TMEM50B: variants seen among roughly 807,000 people sequenced by gnomAD.
TMEM50B encodes transmembrane protein 50B, also known as HCV p7-trans-regulated protein 3.
In TMEM50B, 14 loss-of-function variants were observed where a neutral mutation model predicts 23.4. That is an observed-to-expected ratio of 0.60 (90% CI 0.39 to 0.93). The LOEUF (loss-of-function observed/expected upper bound fraction) is 0.93, where lower values mean the gene tolerates loss of function less well. TMEM50B is among the 40% of genes least tolerant of loss of function. The probability of loss-of-function intolerance (pLI) is 0.00; values close to 1 mark genes in which losing one functional copy is unlikely to be tolerated. For missense variants in TMEM50B, 159 were observed against 193.0 expected (o/e 0.82, Z 1.04); for synonymous variants, 64 against 62.3 (o/e 1.03, Z -0.13).
intron 6 of TMEM50B, among the ~76,000 whole-genome samples, chr21:33,454,493 G>A (rs1309260525): frequency 2.0e-5 from 3 of 151,922 alleles, no homozygotes; most frequent in Admixed American, 6.6e-5. Flanking sequence ...TAGAGATGGG[G>A]TTTCACCATG....
In TMEM50B at chr21:33,470,132, G is replaced by A. The variant is rs139740033; in HGVS notation, c.-41-1206C>T. Among the ~76,000 whole-genome samples the A allele has an allele frequency of 2.0e-5, 3 of 152,020 alleles. No homozygotes were observed. The East Asian group carries it at 5.8e-4, about 29-fold the overall frequency. On this transcript the variant is annotated intron_variant, in intron 1 of 6. Coordinates refer to ENST00000542230, the MANE Select transcript of TMEM50B (RefSeq NM_006134.7). ...AAAAAAAATTGAAAGCACTGGACAGGGCTGAAAAACAGGCAGAAATTGAAA... is the reference window on the plus strand; with the variant it reads ...AAAAAAAATTGAAAGCACTGGACAGAGCTGAAAAACAGGCAGAAATTGAAA...
chr21:33,451,615 G>C (rs1250039866), intron 6 of TMEM50B, among the ~76,000 whole-genome samples: 1 of 152,114 alleles, frequency 6.6e-6, no homozygotes, highest in Non-Finnish European at 1.5e-5. Context: ...CGGGAGCAGA[G>C]AGATGGGACA....
chr21:33,458,841 A>C (rs2084192559), intron 5 of TMEM50B, among the ~76,000 whole-genome samples: 1 of 152,230 alleles, frequency 6.6e-6, no homozygotes, highest in Admixed American at 6.5e-5. Context: ...TTAACTAAAA[A>C]ACACATTTTA....
chr21:33,442,732 C>T (rs1395471583), intron 7 of TMEM50B, among the ~76,000 whole-genome samples: 9 of 152,058 alleles, frequency 5.9e-5, no homozygotes, highest in Admixed American at 5.9e-4. Flanking sequence ...ACCAGCCTGG[C>T]CAACATGGAG....
At chr21:33,461,341 T>G (rs1378181156) in intron 4 of TMEM50B, among the ~76,000 whole-genome samples, 1 of 152,210 alleles carries the variant, frequency 6.6e-6, no homozygotes, top group East Asian at 1.9e-4. Flanking sequence ...TCATAATGGT[T>G]AGAACAGCTG....
chr21:33,467,784 G>A (rs1331025982), intron 2 of TMEM50B, among the ~76,000 whole-genome samples: 1 of 152,170 alleles, frequency 6.6e-6, no homozygotes, highest in African/African-American at 2.4e-5. Context: ...GTTAGTTCTT[G>A]CTCTGCTTCA....
intron 1 of TMEM50B, among the ~76,000 whole-genome samples, chr21:33,478,196 G>T (rs2084391864): frequency 6.6e-6 from 1 of 151,760 alleles, no homozygotes; most frequent in South Asian, 2.1e-4. Context: ...GGCCAGGCGC[G>T]GTGCCCACAC....
chr21:33,447,868 A>G (rs1273686337), downstream of TMEM50B, among the ~76,000 whole-genome samples: 2 of 152,240 alleles, frequency 1.3e-5, no homozygotes, highest in South Asian at 4.1e-4. Flanking sequence ...TGACCACTGA[A>G]TCTATGTGAC....
At chr21:33,446,326 T>G (rs1031656285), downstream of TMEM50B, among the ~76,000 whole-genome samples, 1 of 151,218 alleles carries the variant, frequency 6.6e-6, no homozygotes, top group African/African-American at 2.4e-5. Flanking sequence ...AGCCTCTGCC[T>G]CCTGGGCTCA....
chr21:33,465,360 C>T lies in TMEM50B; in HGVS notation c.262G>A (p.Gly88Ser), dbSNP rs1170962263. ...TCTTTACCTGTTCTTCCTAAACAGC[C>T]GCTTTCATAGCTATCACCTCTCACC... The part of the protein sequence containing the change: ...AQVRGDSYES[G>S]CLGRTGARVW... Residue 88 changes from glycine to serine, a missense_variant, in exon 4 of 7, where the codon GGC (glycine) becomes AGC (serine). Coordinates refer to ENST00000542230, the MANE Select transcript of TMEM50B (RefSeq NM_006134.7). The T allele has an allele frequency of 5.6e-6, 9 of 1,613,068 alleles. No homozygotes were observed. Among genetic ancestry groups the T allele is most frequent in the African/African-American group, 2.7e-5 (2 of 74,864 alleles).
chr21:33,471,957 G>A (rs531493650), intron 1 of TMEM50B, among the ~76,000 whole-genome samples: 3 of 149,640 alleles, frequency 2.0e-5, no homozygotes, highest in African/African-American at 4.9e-5. Flanking sequence ...GCGAGAACCC[G>A]GGAGGTAGAG....
intron 4 of TMEM50B, among the ~76,000 whole-genome samples, chr21:33,462,679 G>C (rs1268267866): frequency 6.6e-6 from 1 of 152,032 alleles, no homozygotes; most frequent in Non-Finnish European, 1.5e-5. Context: ...CTCAAAAAAA[G>C]ATAATAGTAA....
At chr21:33,447,681 T>TACACACACACAC (rs764155101), downstream of TMEM50B, among the ~76,000 whole-genome samples, 366 of 132,072 alleles carry the variant, frequency 2.8e-3, no homozygotes, top group East Asian at 0.021. Flanking sequence ...TGTATAGAAA[T>TACACACACACAC]ACACACACAC....
rs771257001 is a variant in TMEM50B, at chr21:33,455,719, C to G, written c.431+8G>C. 2 of 1,611,604 alleles carry G rather than the reference C, an allele frequency of 1.2e-6. No individual in the cohort carries two copies. Among genetic ancestry groups the G allele is most frequent in the Non-Finnish European group, 1.7e-6 (2 of 1,178,036 alleles). ...TTACAGGCGTGGTTAAAAAATAAGG[C>G]AACTTACCTAAAAAATATAAGTGCA... On this transcript the variant is annotated splice_region_variant and intron_variant, in intron 6 of 6. Coordinates refer to ENST00000542230, the MANE Select transcript of TMEM50B (RefSeq NM_006134.7).
intron 5 of TMEM50B, among the ~76,000 whole-genome samples, chr21:33,458,398 C>T (rs1401847220): frequency 1.3e-5 from 2 of 152,026 alleles, no homozygotes; most frequent in East Asian, 3.8e-4. Context: ...CCTGCAGTCC[C>T]AGCTACTTAG....
At chr21:33,448,609 T>C (rs1037910986), downstream of TMEM50B, among the ~76,000 whole-genome samples, 1 of 152,136 alleles carries the variant, frequency 6.6e-6, no homozygotes, top group Non-Finnish European at 1.5e-5. Flanking sequence ...GCCTCCCAAG[T>C]AGCTGGGACT....
At chr21:33,467,893 A>C (rs1046754717) in intron 2 of TMEM50B, among the ~76,000 whole-genome samples, 1 of 152,174 alleles carries the variant, frequency 6.6e-6, no homozygotes. Flanking sequence ...GCTTCCAAAA[A>C]ATGCTGTGGG....
rs1333388723 is a variant in TMEM50B, at chr21:33,479,892, G to A, written c.-96C>T. 1 of 152,306 alleles carries A rather than the reference G, an allele frequency of 6.6e-6. No individual in the cohort carries two copies. The highest frequency in any genetic ancestry group is 1.5e-5 in the Non-Finnish European group (1 of 68,110). The allele number at this position is 152,306 out of a possible 1,614,324, so 9.4% of individuals were successfully genotyped here. On this transcript the variant is annotated 5_prime_UTR_variant, in exon 1 of 7. Coordinates refer to ENST00000542230, the MANE Select transcript of TMEM50B (RefSeq NM_006134.7). ...CAGGCGCGCGCGCAGGAAGGAGACT[G>A]CTGCGCCACAACCCTGCCGGCGTCC...
At chr21:33,443,968 T>C (rs996396744) in intron 7 of TMEM50B, among the ~76,000 whole-genome samples, 62 of 152,206 alleles carry the variant, frequency 4.1e-4, no homozygotes, top group African/African-American at 1.3e-3. Flanking sequence ...TGGCGGGGTC[T>C]TGGCTCACTG....
Sources: allele counts gnomAD v4.1 joint callset (sites outside exome capture counted in the v4.1 genomes callset), GRCh38; gene constraint gnomAD v4.1.1; transcripts MANE v1.5; gene names NCBI Gene and HGNC (gene_info 2026-07-23, HGNC 2026-07-21).